Variants in INF2 observed in about 807,000 individuals in gnomAD.
INF2 encodes inverted formin-2.
Under a neutral mutation model 123.5 loss-of-function variants are expected in INF2, and 43 were observed. The ratio of observed to expected loss-of-function variants is 0.35; its 90% CI spans 0.27 to 0.45. INF2 has a LOEUF of 0.45. Among genes scored for constraint, INF2 ranks in the 20% least tolerant of loss-of-function variants. The pLI is 1.00. For missense variants in INF2, 1,453 were observed against 1,682.7 expected (o/e 0.86, Z 2.39); for synonymous variants, 851 against 745.0 (o/e 1.14, Z -2.32).
chr14:104,707,323 C>G lies in INF2; in HGVS notation c.1056C>G (p.Pro352=), dbSNP rs1889825275. 6.2e-7 allele frequency: 1 copy of G among 1,604,820 alleles called. No homozygotes were observed. Among genetic ancestry groups the G allele is most frequent in the Non-Finnish European group, 8.5e-7 (1 of 1,176,520 alleles). The change falls in exon 8 of 23, where the codon CCC becomes CCG. Residue 352 remains proline, a synonymous_variant. Transcript: ENST00000392634. ...LSVKGRPRPS[P]LVKAHKSVQA... ...TCAAGGGGCGACCCAGACCGAGCCC[C>G]CTGGTCAAGGCCCATAAAAGCGTCC...
Position 104,689,728 on chromosome 14 carries a change from T to C in INF2, c.-21T>C. The C allele has an allele frequency of 1.0e-6, 1 of 985,018 alleles. No homozygotes were observed. The highest frequency in any genetic ancestry group is 1.2e-6 in the Non-Finnish European group (1 of 829,842). 61.0% of individuals were successfully genotyped at this position (985,018 alleles called of 1,614,324 possible). On this transcript the variant is annotated 5_prime_UTR_variant, in exon 1 of 23. Transcript: ENST00000392634. ...CGGCCGCACCACCGCCCTCTGGCCG[T>C]TGCCTCACCGGGTAAGTCCTTGGCC...
In INF2 at chr14:104,709,711, C is replaced by T; in HGVS notation, c.2138+6C>T. ...CTCCTGCTGGCCATTCCCTGGTGAG[C>T]ATGGCCGCCCTCAGACCCCAGGGCC... is the stretch of plus-strand genomic sequence containing the variant. On this transcript the variant is annotated splice_donor_region_variant and intron_variant, in intron 12 of 22. Coordinates refer to ENST00000392634, the MANE Select transcript of INF2 (RefSeq NM_022489.4). 1 of 1,611,634 alleles carries T rather than the reference C, an allele frequency of 6.2e-7. No individual in the cohort carries two copies.
In INF2 at chr14:104,706,093, G is replaced by T. The variant is rs1595169407; in HGVS notation, c.760G>T (p.Glu254Ter). The change falls in exon 6 of 23, where the codon GAG (glutamate) becomes TAG (stop). Residue 254 changes from glutamate (E) to a stop codon, truncating the protein, a stop_gained. Coordinates refer to ENST00000392634, the MANE Select transcript of INF2 (RefSeq NM_022489.4). LOFTEE classifies it high-confidence loss of function. The part of the protein sequence containing the change: ...QLEAFEEAKA[E>*]DEEELLRVSG... ...GGAGGCTTTCGAGGAGGCTAAGGCCGAGGACGAGGAGGAGCTGCTGCGAGT... is the reference window on the plus strand; with the variant it reads ...GGAGGCTTTCGAGGAGGCTAAGGCCTAGGACGAGGAGGAGCTGCTGCGAGT... The T allele has an allele frequency of 6.2e-7, 1 of 1,612,542 alleles. No homozygotes were observed. The highest frequency in any genetic ancestry group is 8.5e-7 in the Non-Finnish European group (1 of 1,179,694).
At chr14:104,694,302 C>T (rs562835866) in intron 1 of INF2, among the ~76,000 whole-genome samples, 22 of 152,386 alleles carry the variant, frequency 1.4e-4, no homozygotes, top group African/African-American at 4.8e-4. Context: ...CTGGCACCCT[C>T]GTGTCCCAGC....
At chr14:104,708,054 C>A in intron 8 of INF2, 52 bp downstream of exon 8, 1 of 1,597,064 alleles carries the variant, frequency 6.3e-7, no homozygotes, top group South Asian at 1.1e-5. Flanking sequence ...GGGGGCTGGT[C>A]TCTGCTGGGG....
At chr14:104,711,790 G>T (rs751343863) in intron 16 of INF2, 91 bp downstream of exon 16, 3 of 1,227,094 alleles carry the variant, frequency 2.4e-6, no homozygotes, top group Non-Finnish European at 3.5e-6. Flanking sequence ...CCAGGGCTGG[G>T]TCTCACAGCT....
rs1889770479 is a variant in INF2, at chr14:104,706,152, G to A, written c.819G>A (p.Glu273=). 6.3e-7 allele frequency: 1 copy of A among 1,595,792 alleles called. No homozygotes were observed. The highest frequency in any genetic ancestry group is 1.3e-5 in the African/African-American group (1 of 74,740). Residue 273 remains glutamate (E), a synonymous_variant, in exon 6 of 23, where the codon GAG becomes GAA. Coordinates refer to ENST00000392634, the MANE Select transcript of INF2 (RefSeq NM_022489.4). The part of the protein sequence containing the change: ...SGGVDMSSHQ[E]VFASLFHKVS... Reference sequence around the variant, plus strand: ...GGGTCGACATGAGCAGCCACCAGGAGGTCTTTGCCTCCCTGTTCCACAAGG... The same window carrying A: ...GGGTCGACATGAGCAGCCACCAGGAAGTCTTTGCCTCCCTGTTCCACAAGG...
At position 104,714,324 on chromosome 14, in the gene INF2, C is replaced by T. The variant is rs1890192408; in HGVS notation, c.3162C>T (p.Thr1054=). The T allele has an allele frequency of 1.3e-6, 2 of 1,590,224 alleles. No homozygotes were observed. Among genetic ancestry groups the T allele is most frequent in the East Asian group, 2.3e-5 (1 of 43,472 alleles). The change falls in exon 21 of 23, where the codon ACC becomes ACT. Residue 1054 remains threonine, a synonymous_variant. Transcript: ENST00000392634. The stretch of plus-strand genomic sequence containing the variant: ...GCTGGGACCTTGTAGACGCCGTGAC[C>T]CCCGGCCCTCAGCCCACCCTGGAGC... ...SRGWDLVDAV[T]PGPQPTLEQL... is the part of the protein sequence containing the mutation.
At position 104,707,473 on chromosome 14, in the gene INF2, T is replaced by A; in HGVS notation, c.1206T>A (p.Ser402Arg). ...GCGAGCCCGTGGACCACGCCCAGAG[T>A]GAGAGCATCCTGAAAGTTTCGCAGC... is the stretch of plus-strand genomic sequence containing the variant. ...AACEPVDHAQ[S>R]ESILKVSQPR... The change falls in exon 8 of 23, where the codon AGT becomes AGA. Residue 402 changes from serine to arginine, a missense_variant. Ser to Arg is a moderately radical substitution (Grantham distance 110, BLOSUM62 -1). Transcript: ENST00000392634. 1 of 1,551,996 alleles carries A rather than the reference T, an allele frequency of 6.4e-7. No individual in the cohort carries two copies. The highest frequency in any genetic ancestry group is 8.7e-7 in the Non-Finnish European group (1 of 1,148,520).
Position 104,720,265 on chromosome 14 carries a change from T to C in INF2, c.*1472T>C, listed in dbSNP as rs1442998543. 6.3e-6 allele frequency: 1 copy of C among 158,344 alleles called. No individual in the cohort carries two copies. The allele number at this position is 158,344 out of a possible 1,614,324, so 9.8% of individuals were successfully genotyped here. On this transcript the variant is annotated 3_prime_UTR_variant, in exon 23 of 23. Coordinates refer to ENST00000392634, the MANE Select transcript of INF2 (RefSeq NM_022489.4). Reference sequence around the variant, plus strand: ...GGACCACATTTTGTTTGTCTGCTCTTCTGTCCATGGACATCTGGGTTGCTT... The same window carrying C: ...GGACCACATTTTGTTTGTCTGCTCTCCTGTCCATGGACATCTGGGTTGCTT...
rs376685243 is a variant in INF2 at position 104,714,385 on chromosome 14, C to T, written c.3223C>T (p.Arg1075Cys). 1.1e-5 allele frequency: 18 copies of T among 1,600,790 alleles called. No individual in the cohort carries two copies. The Middle Eastern group carries it at 6.6e-4, about 59-fold the overall frequency. Residue 1075 changes from arginine to cysteine, a missense_variant, in exon 21 of 23, where the codon CGT (arginine) becomes TGT (cysteine). Transcript: ENST00000392634. ...EEGGPRPLER[R>C]SSWYVDASDV... ...GGGTGGTCCACGGCCCCTGGAGAGG[C>T]GTTCTTCCTGGTATGTGGATGCCAG... is the stretch of plus-strand genomic sequence containing the variant.
At chr14:104,716,878 GAC>G (rs1463918530) in intron 22 of INF2, among the ~76,000 whole-genome samples, 1 of 152,102 alleles carries the variant, frequency 6.6e-6, no homozygotes, top group Non-Finnish European at 1.5e-5. Context: ...TTTTAGCAGA[GAC>G]AGGGTTTCAC....
Position 104,707,414 on chromosome 14 carries a change from G to C in INF2, c.1147G>C (p.Val383Leu). 5 of 1,581,488 alleles carry C rather than the reference G, an allele frequency of 3.2e-6. No individual in the cohort carries two copies. The highest frequency in any genetic ancestry group is 4.3e-6 in the Non-Finnish European group (5 of 1,165,242). The change falls in exon 8 of 23, where the codon GTG (valine) becomes CTG (leucine). Residue 383 changes from valine to leucine, a missense_variant. Transcript: ENST00000392634. ...AAACACTACAACCCCCAAGCCCAGCGTGGAGGGCCAGCAGCCAGCAGCAGC... is the reference window on the plus strand; with the variant it reads ...AAACACTACAACCCCCAAGCCCAGCCTGGAGGGCCAGCAGCCAGCAGCAGC... Reference protein sequence around the residue: ...PQNTTTPKPSVEGQQPAAAAA... With the variant: ...PQNTTTPKPSLEGQQPAAAAA...
intron 5 of INF2, among the ~76,000 whole-genome samples, chr14:104,705,701 G>A (rs147537819): frequency 1.3e-3 from 201 of 152,296 alleles, no homozygotes; most frequent in African/African-American, 4.7e-3. Flanking sequence ...CCAAGGTCAC[G>A]GCCCGGTTCC....
At position 104,714,762 on chromosome 14, in the gene INF2, C is replaced by T; in HGVS notation, c.3600C>T (p.Asp1200=). The T allele has an allele frequency of 6.2e-7, 1 of 1,600,306 alleles. No homozygotes were observed. The highest frequency in any genetic ancestry group is 8.5e-7 in the Non-Finnish European group (1 of 1,174,054). The change falls in exon 21 of 23, where the codon GAC becomes GAT. Residue 1200 remains aspartate, a synonymous_variant. Coordinates refer to ENST00000392634, the MANE Select transcript of INF2 (RefSeq NM_022489.4). ...CCTTCTCCGAGGATGCGGTGACCGACTCCTCGGGGTCGGGCACACTCCCCA... is the reference window on the plus strand; with the variant it reads ...CCTTCTCCGAGGATGCGGTGACCGATTCCTCGGGGTCGGGCACACTCCCCA... ...DKSFSEDAVT[D]SSGSGTLPRA... is the part of the protein sequence containing the mutation.
At chr14:104,695,651 C>T (rs79185351) in intron 1 of INF2, among the ~76,000 whole-genome samples, 1 of 151,760 alleles carries the variant, frequency 6.6e-6, no homozygotes, top group Non-Finnish European at 1.5e-5. Flanking sequence ...CCTACCCCCC[C>T]TACAGAGTCA....
At chr14:104,697,043 AC>A (rs1189702065) in intron 1 of INF2, among the ~76,000 whole-genome samples, 2 of 152,046 alleles carry the variant, frequency 1.3e-5, no homozygotes, top group Non-Finnish European at 2.9e-5. Context: ...AGTACCTGCC[AC>A]CCCAGGGCTG....
intron 1 of INF2, among the ~76,000 whole-genome samples, chr14:104,695,515 A>T (rs1353670504): frequency 7.0e-6 from 1 of 141,868 alleles, no homozygotes; most frequent in Non-Finnish European, 1.6e-5. Flanking sequence ...TGGAAGCGAG[A>T]GCTGGGCTTC....
Position 104,707,489 on chromosome 14 carries a change from G to A in INF2, c.1222G>A (p.Val408Ile). 1.9e-6 allele frequency: 3 copies of A among 1,549,474 alleles called. No homozygotes were observed. The highest frequency in any genetic ancestry group is 2.6e-6 in the Non-Finnish European group (3 of 1,147,098). ...CGCCCAGAGTGAGAGCATCCTGAAA[G>A]TTTCGCAGCCCAGAGCCCTGGAGCA... ...DHAQSESILK[V>I]SQPRALEQQA... The change falls in exon 8 of 23, where the codon GTT (valine) becomes ATT (isoleucine). Residue 408 changes from valine (V) to isoleucine (I), a missense_variant. Val to Ile is a conservative substitution (Grantham distance 29, BLOSUM62 3). Transcript: ENST00000392634.
Sources: allele counts gnomAD v4.1 joint callset (sites outside exome capture counted in the v4.1 genomes callset), GRCh38; gene constraint gnomAD v4.1.1; transcripts MANE v1.5; gene names NCBI Gene and HGNC (gene_info 2026-07-23, HGNC 2026-07-21).